The following DOK6 variants were observed in gnomAD, a reference collection of about 807,000 sequenced individuals.
The protein encoded by DOK6 is docking protein 6.
DOK6 carries 22 observed loss-of-function variants against 44.0 expected under a neutral mutation model. That is an observed-to-expected ratio of 0.50 (90% CI 0.36 to 0.71). DOK6 has a LOEUF of 0.71. Ranked by LOEUF, DOK6 falls within the 30% of genes least tolerant of loss-of-function variation. The pLI is 0.00. For missense variants in DOK6, 340 were observed against 416.4 expected (o/e 0.82, Z 1.60); for synonymous variants, 166 against 145.5 (o/e 1.14, Z -1.01).
intron 4 of DOK6, among the ~76,000 whole-genome samples, chr18:69,689,662 T>C (rs566887251): frequency 6.6e-6 from 1 of 152,214 alleles, no homozygotes; most frequent in African/African-American, 2.4e-5. Flanking sequence ...CAATGTAAGT[T>C]TATAATCAAA....
At chr18:69,405,592 T>TAAATAAAATAAAATAAAATAAAATA (rs149922407) in intron 1 of DOK6, among the ~76,000 whole-genome samples, 30 of 149,768 alleles carry the variant, frequency 2.0e-4, no homozygotes, top group African/African-American at 7.1e-4. Context: ...AATAACTAAC[T>TAAATAAAATAAAATAAAATAAAATA]AAATAAAATA....
chr18:69,461,329 A>G (rs1216163698), intron 1 of DOK6, among the ~76,000 whole-genome samples: 2 of 152,104 alleles, frequency 1.3e-5, no homozygotes, highest in African/African-American at 4.8e-5. Flanking sequence ...AGCCTCTTCT[A>G]TTTCCTTTAG....
chr18:69,438,217 A>G (rs1979037489), intron 1 of DOK6, among the ~76,000 whole-genome samples: 1 of 152,220 alleles, frequency 6.6e-6, no homozygotes, highest in Admixed American at 6.6e-5. Flanking sequence ...TATCCATAGT[A>G]GAACTTCGCT....
chr18:69,657,370 C>A (rs1337079636), intron 3 of DOK6, among the ~76,000 whole-genome samples: 2 of 152,174 alleles, frequency 1.3e-5, no homozygotes. Context: ...TAGCTTTTAT[C>A]CCCTTTGCCC....
chr18:69,417,901 T>C (rs1978383007), intron 1 of DOK6, among the ~76,000 whole-genome samples: 1 of 152,162 alleles, frequency 6.6e-6, no homozygotes, highest in African/African-American at 2.4e-5. Context: ...TTAATCAGAT[T>C]GTTTGTTTAT....
rs866100727 is a variant in DOK6 at position 69,462,687 on chromosome 18, G to A, written c.66+61377G>A. Among the ~76,000 whole-genome samples, 5 of 152,174 alleles carry A rather than the reference G, an allele frequency of 3.3e-5. No homozygotes were observed. The South Asian group carries it at 6.2e-4, about 19-fold the overall frequency. ...ATGTTTTTATACAGCATTCATGTACGGTATTAACTGATTAATCCTTCTGCC... is the reference window on the plus strand; with the variant it reads ...ATGTTTTTATACAGCATTCATGTACAGTATTAACTGATTAATCCTTCTGCC... On this transcript the variant is annotated intron_variant, in intron 1 of 7. Transcript: ENST00000382713.
chr18:69,566,140 T>C (rs867239853), intron 2 of DOK6, among the ~76,000 whole-genome samples: 313 of 105,054 alleles, frequency 3.0e-3, no homozygotes, highest in African/African-American at 8.4e-3. Flanking sequence ...TATTTATTTA[T>C]TTATTTACTT....
intron 2 of DOK6, among the ~76,000 whole-genome samples, chr18:69,594,826 C>T (rs12967804): frequency 0.35 from 52,083 of 150,290 alleles, 10,961 homozygotes; most frequent in Non-Finnish European, 0.47. Flanking sequence ...CTGTCTCTTA[C>T]GTGAAAAAAA....
In DOK6 at chr18:69,541,782, A is replaced by G. The variant is rs1029208330; in HGVS notation, c.67-22705A>G. ...TAGAGCATAGGAGAATGGAACCTGT[A>G]GGCATTACAATGAACAGGAAAGCTT... On this transcript the variant is annotated intron_variant, in intron 1 of 7. Transcript: ENST00000382713. Among the ~76,000 whole-genome samples the G allele has an allele frequency of 8.5e-4, 129 of 151,578 alleles. 4 individuals carry two copies. The highest frequency in any genetic ancestry group is 1.0e-4 in the Non-Finnish European group (7 of 67,718).
intron 1 of DOK6, among the ~76,000 whole-genome samples, chr18:69,489,943 C>A (rs905027731): frequency 2.0e-5 from 3 of 149,808 alleles, no homozygotes; most frequent in Non-Finnish European, 3.0e-5. Flanking sequence ...AAAAAAAAAA[C>A]CCTATCTTTA....
At position 69,721,891 on chromosome 18, in the gene DOK6, T is replaced by C. The variant is rs545262793; in HGVS notation, c.600-17074T>C. On this transcript the variant is annotated intron_variant, in intron 5 of 7. Transcript: ENST00000382713. ...CTAAAGGATCATTGAAAGTTTATTC[T>C]CCGTAAGGCAAACTGTGAATATACC... Among the ~76,000 whole-genome samples the C allele has an allele frequency of 3.3e-5, 5 of 152,344 alleles. No homozygotes were observed. The East Asian group carries it at 9.6e-4, about 29-fold the overall frequency.
At chr18:69,710,926 C>T (rs935346865) in intron 5 of DOK6, among the ~76,000 whole-genome samples, 1 of 152,198 alleles carries the variant, frequency 6.6e-6, no homozygotes, top group Non-Finnish European at 1.5e-5. Flanking sequence ...ATAGAAGATA[C>T]AGAGACACTA....
intron 3 of DOK6, among the ~76,000 whole-genome samples, chr18:69,610,658 C>T (rs576802100): frequency 5.3e-5 from 8 of 152,076 alleles, no homozygotes; most frequent in East Asian, 1.9e-4. Flanking sequence ...AGTCAACCAA[C>T]GGTGAATTGA....
At chr18:69,590,743 G>A (rs1983603176) in intron 2 of DOK6, among the ~76,000 whole-genome samples, 1 of 152,178 alleles carries the variant, frequency 6.6e-6, no homozygotes, top group African/African-American at 2.4e-5. Context: ...GAGGACCATG[G>A]AGGCTGATGG....
At chr18:69,675,930 GT>G (rs931480074) in intron 3 of DOK6, among the ~76,000 whole-genome samples, 26 of 152,094 alleles carry the variant, frequency 1.7e-4, no homozygotes, top group African/African-American at 6.0e-4. Flanking sequence ...TTTGTTTTTT[GT>G]TTTTTGTTTT....
chr18:69,700,216 C>CATATATATATATATATATATATATGTAT (rs61078235), intron 5 of DOK6, among the ~76,000 whole-genome samples: 4 of 124,762 alleles, frequency 3.2e-5, no homozygotes, highest in African/African-American at 1.2e-4. Context: ...CATATATATA[C>CATATATATATATATATATATATATGTAT]ATATATATAT....
chr18:69,545,965 T>C (rs148892864), intron 1 of DOK6, among the ~76,000 whole-genome samples: 1 of 151,572 alleles, frequency 6.6e-6, no homozygotes, highest in African/African-American at 2.4e-5. Flanking sequence ...GATAGATGCA[T>C]ATATTCATGT....
chr18:69,770,182 A>C (rs1043484844), intron 7 of DOK6, among the ~76,000 whole-genome samples: 2 of 152,054 alleles, frequency 1.3e-5, no homozygotes, highest in African/African-American at 4.8e-5. Context: ...CATGATATTT[A>C]ATCTTCCCAA....
chr18:69,714,842 G>A (rs139626806), intron 5 of DOK6, among the ~76,000 whole-genome samples: 112 of 152,062 alleles, frequency 7.4e-4, no homozygotes, highest in African/African-American at 2.7e-3. Context: ...TAGGTAAGTT[G>A]GATTATACTT....
Sources: gnomAD v4.1 joint callset for allele counts (sites outside exome capture counted in the v4.1 genomes callset) on GRCh38, gnomAD v4.1.1 for gene constraint, MANE v1.5 for transcripts, NCBI Gene and HGNC (gene_info 2026-07-23, HGNC 2026-07-21) for gene names.